EBF1: variants seen among roughly 807,000 people sequenced by gnomAD.
EBF1 encodes EBF transcription factor 1.
In EBF1, 10 loss-of-function variants were observed where a neutral mutation model predicts 68.4. The observed-to-expected ratio is 0.15, with a 90% CI of 0.09 to 0.25. The LOEUF (loss-of-function observed/expected upper bound fraction) is 0.25, where lower values mean the gene tolerates loss of function less well. Ranked by LOEUF, EBF1 falls within the 10% of genes least tolerant of loss-of-function variation. EBF1 has a pLI of 1.00. For missense variants in EBF1, 509 were observed against 794.4 expected (o/e 0.64, Z 4.32); for synonymous variants, 298 against 299.8 (o/e 0.99, Z 0.06).
chr5:158,759,815 G>A (rs1320181219), intron 10 of EBF1, among the ~76,000 whole-genome samples: 3 of 151,894 alleles, frequency 2.0e-5, no homozygotes, highest in Non-Finnish European at 4.4e-5. Context: ...TGTCTTGGGG[G>A]CAAGAACCTC....
intron 8 of EBF1, among the ~76,000 whole-genome samples, chr5:158,818,857 TA>T (rs1391151064): frequency 6.6e-6 from 1 of 151,180 alleles, no homozygotes; most frequent in Non-Finnish European, 1.5e-5. Context: ...GTTTATATTC[TA>T]AAAACTCTTG....
At chr5:158,850,478 G>C (rs1422078277) in intron 6 of EBF1, among the ~76,000 whole-genome samples, 2 of 152,216 alleles carry the variant, frequency 1.3e-5, no homozygotes, top group Non-Finnish European at 2.9e-5. Flanking sequence ...CTGGCAGAGA[G>C]AAAGTAGGAA....
intron 6 of EBF1, among the ~76,000 whole-genome samples, chr5:158,937,630 CCTT>C (rs1220562068): frequency 6.6e-6 from 1 of 152,180 alleles, no homozygotes; most frequent in East Asian, 1.9e-4. Context: ...ATCAGGGCAA[CCTT>C]CTTAAGAGCG....
intron 13 of EBF1, 116 bp from the exon 14 acceptor site, chr5:158,712,449 A>G (rs1759605622): frequency 3.4e-6 from 4 of 1,182,478 alleles, no homozygotes; most frequent in Non-Finnish European, 4.8e-6. Flanking sequence ...CCCAGAGGGA[A>G]GGGATTGGGT....
intron 6 of EBF1, among the ~76,000 whole-genome samples, chr5:158,933,727 G>C (rs1010744239): frequency 1.3e-5 from 2 of 152,202 alleles, no homozygotes; most frequent in African/African-American, 2.4e-5. Context: ...GTGTGTAAAA[G>C]CTAAGTAACC....
intron 6 of EBF1, among the ~76,000 whole-genome samples, chr5:158,887,470 A>G (rs1022428062): frequency 6.6e-6 from 1 of 152,250 alleles, no homozygotes; most frequent in Non-Finnish European, 1.5e-5. Context: ...TCTTGGGCCT[A>G]GAATTAGTGA....
chr5:158,882,176 C>T (rs1799024876), intron 6 of EBF1, among the ~76,000 whole-genome samples: 1 of 152,098 alleles, frequency 6.6e-6, no homozygotes, highest in African/African-American at 2.4e-5. Flanking sequence ...GTCCATTTAT[C>T]AAAAATAAGA....
intron 6 of EBF1, among the ~76,000 whole-genome samples, chr5:158,905,891 A>G (rs1168119455): frequency 6.6e-6 from 1 of 152,182 alleles, no homozygotes; most frequent in African/African-American, 2.4e-5. Flanking sequence ...AGCAGGAGGG[A>G]TACAAGGGAA....
intron 7 of EBF1, among the ~76,000 whole-genome samples, chr5:158,830,026 TAATA>T (rs1787162949): frequency 6.6e-6 from 1 of 152,202 alleles, no homozygotes; most frequent in African/African-American, 2.4e-5. Context: ...ACGTGATTCT[TAATA>T]AATGCAATTT....
intron 6 of EBF1, among the ~76,000 whole-genome samples, chr5:159,021,892 T>C (rs1584011144): frequency 6.6e-6 from 1 of 152,108 alleles, no homozygotes; most frequent in Non-Finnish European, 1.5e-5. Context: ...ATGGACCCTG[T>C]GGTGTTCCTC....
At chr5:158,701,230 C>T (rs985244824) in intron 15 of EBF1, among the ~76,000 whole-genome samples, 2 of 152,104 alleles carry the variant, frequency 1.3e-5, no homozygotes, top group African/African-American at 4.8e-5. Context: ...GAGCAGTTCC[C>T]TATAGTATAG....
At chr5:158,959,702 T>C (rs1046597089) in intron 6 of EBF1, among the ~76,000 whole-genome samples, 6 of 152,092 alleles carry the variant, frequency 3.9e-5, no homozygotes, top group African/African-American at 1.4e-4. Context: ...ATAGAAAGAC[T>C]CAATTTAGTA....
At chr5:158,817,650 A>G (rs1424286787) in intron 8 of EBF1, among the ~76,000 whole-genome samples, 2 of 152,156 alleles carry the variant, frequency 1.3e-5, no homozygotes, top group African/African-American at 2.4e-5. Flanking sequence ...AAACCTACTC[A>G]TCTCTTCGGT....
At chr5:158,809,938 A>T (rs1048535123) in intron 8 of EBF1, among the ~76,000 whole-genome samples, 2 of 152,330 alleles carry the variant, frequency 1.3e-5, no homozygotes, top group East Asian at 3.9e-4. Context: ...ATTCTAAAAT[A>T]GTACCTTAAT....
chr5:158,788,550 C>T (rs924814308), intron 9 of EBF1, among the ~76,000 whole-genome samples: 1 of 152,098 alleles, frequency 6.6e-6, no homozygotes, highest in Non-Finnish European at 1.5e-5. Flanking sequence ...AAGAGAAAGC[C>T]AGTAAAGGTT....
rs117588554 is a variant in EBF1, at chr5:158,814,507, C to A, written c.778+8669G>T. On this transcript the variant is annotated intron_variant, in intron 8 of 15. Coordinates refer to ENST00000313708, the MANE Select transcript of EBF1 (RefSeq NM_024007.5). Reference sequence around the variant, plus strand: ...TGACTCACTCATTTATTAGCTCAACCAACCAAATACTGGAAATTTCCCACA... The same window carrying A: ...TGACTCACTCATTTATTAGCTCAACAAACCAAATACTGGAAATTTCCCACA... 5.9e-5 allele frequency among the ~76,000 whole-genome samples: 9 copies of A among 152,298 alleles called. 1 individual carries two copies. The East Asian group carries it at 1.3e-3, about 23-fold the overall frequency.
intron 15 of EBF1, among the ~76,000 whole-genome samples, chr5:158,706,947 G>A (rs1392153607): frequency 6.6e-6 from 1 of 152,202 alleles, no homozygotes; most frequent in Non-Finnish European, 1.5e-5. Flanking sequence ...ATAAATGGTG[G>A]TTGACTAGTT....
intron 6 of EBF1, among the ~76,000 whole-genome samples, chr5:159,051,378 C>G (rs1354654851): frequency 9.0e-6 from 1 of 111,704 alleles, no homozygotes; most frequent in Non-Finnish European, 1.8e-5. Context: ...CCCCGGTGAG[C>G]GCTAGGCCCC....
chr5:158,915,787 G>A, intron 6 of EBF1, among the ~76,000 whole-genome samples: 1 of 152,134 alleles, frequency 6.6e-6, no homozygotes, highest in Non-Finnish European at 1.5e-5. Flanking sequence ...AACAAGAAAA[G>A]AAGTTATAAA....
Sources: gnomAD v4.1 joint callset for allele counts (sites outside exome capture counted in the v4.1 genomes callset) on GRCh38, gnomAD v4.1.1 for gene constraint, MANE v1.5 for transcripts, NCBI Gene and HGNC (gene_info 2026-07-23, HGNC 2026-07-21) for gene names.